The following ZNF365 variants were observed in gnomAD, a reference collection of about 807,000 sequenced individuals.
ZNF365 encodes the protein protein ZNF365.
A neutral mutation model predicts 35.0 loss-of-function variants in ZNF365; 22 were observed. That is an observed-to-expected ratio of 0.63 (90% confidence interval 0.45 to 0.90). The LOEUF (loss-of-function observed/expected upper bound fraction) is 0.90, where lower values mean the gene tolerates loss of function less well. Among genes scored for constraint, ZNF365 ranks in the 40% least tolerant of loss-of-function variants. ZNF365 has a pLI of 0.00. For synonymous variants in ZNF365, 188 were observed against 196.2 expected (o/e 0.96, Z 0.35); for missense variants, 448 against 500.3 (o/e 0.90, Z 1.00).
chr10:62,469,866 A>C (rs1050641434), intron 4 of ZNF365, among the ~76,000 whole-genome samples: 4 of 152,198 alleles, frequency 2.6e-5, no homozygotes, highest in Non-Finnish European at 5.9e-5. Flanking sequence ...AGAGGTAGCA[A>C]CTGGTGAAGC....
intron 3 of ZNF365, among the ~76,000 whole-genome samples, chr10:62,446,573 C>A (rs1369658311): frequency 6.7e-6 from 1 of 149,660 alleles, no homozygotes; most frequent in Non-Finnish European, 1.5e-5. Flanking sequence ...AAGGAAACAG[C>A]AACAGTTTCA....
In ZNF365 at chr10:62,400,557, G is replaced by T; in HGVS notation, c.*768G>T. On this transcript the variant is annotated 3_prime_UTR_variant, in exon 5 of 5. Coordinates refer to ENST00000395254, the MANE Select transcript of ZNF365 (RefSeq NM_014951.3). Reference sequence around the variant, plus strand: ...CTGCTTCTGTGGATATGGCTGGGGAGCGAAGTAAAATCCTCTTTTGATTAG... The same window carrying T: ...CTGCTTCTGTGGATATGGCTGGGGATCGAAGTAAAATCCTCTTTTGATTAG... 1 of 986,020 alleles carries T rather than the reference G, an allele frequency of 1.0e-6. No individual in the cohort carries two copies. Among genetic ancestry groups the T allele is most frequent in the Non-Finnish European group, 1.2e-6 (1 of 829,962 alleles). The allele number at this position is 986,020 out of a possible 1,614,324, so 61.1% of individuals were successfully genotyped here.
intron 4 of ZNF365, among the ~76,000 whole-genome samples, chr10:62,477,547 A>G (rs1841153269): frequency 6.6e-6 from 1 of 152,172 alleles, no homozygotes; most frequent in Non-Finnish European, 1.5e-5. Context: ...TAATCTTTAC[A>G]TTATCTTAAT....
chr10:62,435,887 G>T (rs1180079856), intron 3 of ZNF365, among the ~76,000 whole-genome samples: 4 of 152,162 alleles, frequency 2.6e-5, no homozygotes, highest in Non-Finnish European at 5.9e-5. Flanking sequence ...CAAAAGACTA[G>T]TTGTATAAAA....
At chr10:62,408,081 G>GT (rs2132436909) in intron 3 of ZNF365, among the ~76,000 whole-genome samples, 1 of 152,210 alleles carries the variant, frequency 6.6e-6, no homozygotes, top group Admixed American at 6.5e-5. Flanking sequence ...GCAGTTGAAA[G>GT]GGCACTGATC....
intron 3 of ZNF365, among the ~76,000 whole-genome samples, chr10:62,412,932 G>A (rs1443319799): frequency 2.6e-5 from 4 of 152,132 alleles, no homozygotes; most frequent in Non-Finnish European, 5.9e-5. Context: ...AATGAAGGCA[G>A]TTCATAGCTG....
intron 3 of ZNF365, among the ~76,000 whole-genome samples, chr10:62,430,971 G>C (rs1033430835): frequency 1.3e-5 from 2 of 152,166 alleles, no homozygotes; most frequent in African/African-American, 2.4e-5. Flanking sequence ...TTTTGTGGCT[G>C]TTTATATCTG....
chr10:62,407,900 C>T (rs1198321245), intron 3 of ZNF365, among the ~76,000 whole-genome samples: 1 of 151,752 alleles, frequency 6.6e-6, no homozygotes, highest in Non-Finnish European at 1.5e-5. Flanking sequence ...CTGTGGTAGG[C>T]AGAATGTCTA....
intron 3 of ZNF365, among the ~76,000 whole-genome samples, chr10:62,446,056 A>G (rs16917225): frequency 0.029 from 4,381 of 152,210 alleles, 220 homozygotes; most frequent in African/African-American, 0.1. Flanking sequence ...GTGACCTTTA[A>G]CCAAATTCTG....
chr10:62,388,269 G>A lies in ZNF365; in HGVS notation c.744-127G>A, dbSNP rs535922655. ...TCACAAAGAGGTGATTACCTCTCTCGTCATTGCCATGGAGTACTGCCTAGG... is the reference window on the plus strand; with the variant it reads ...TCACAAAGAGGTGATTACCTCTCTCATCATTGCCATGGAGTACTGCCTAGG... On this transcript the variant is annotated intron_variant, in intron 2 of 4. Coordinates refer to ENST00000395254, the MANE Select transcript of ZNF365 (RefSeq NM_014951.3). 1.1e-4 allele frequency: 99 copies of A among 940,260 alleles called. 2 individuals carry two copies. In the South Asian group the frequency reaches 1.4e-3, roughly 13 times the overall value. 58.2% of individuals were successfully genotyped at this position (940,260 alleles called of 1,614,324 possible).
chr10:62,474,703 C>T (rs1260311703), intron 4 of ZNF365, among the ~76,000 whole-genome samples: 2 of 152,166 alleles, frequency 1.3e-5, no homozygotes, highest in African/African-American at 2.4e-5. Flanking sequence ...TATGCATATT[C>T]ACCTTCTTGA....
rs1219569092 is a variant in ZNF365 at position 62,376,881 on chromosome 10, G to C, written c.688G>C (p.Ala230Pro). Residue 230 changes from alanine (A) to proline (P), a missense_variant, in exon 2 of 5, where the codon GCT becomes CCT. By Grantham distance (27) the Ala-to-Pro change is conservative. Coordinates refer to ENST00000395254, the MANE Select transcript of ZNF365 (RefSeq NM_014951.3). The stretch of plus-strand genomic sequence containing the variant: ...GGTGGACGTGGCCGTGGAAATGATA[G>C]CTGTACTGAGGCAACGCCTGACGGA... ...RQVDVAVEMI[A>P]VLRQRLTESE... is the part of the protein sequence containing the mutation. The C allele has an allele frequency of 1.2e-6, 2 of 1,614,168 alleles. No homozygotes were observed. Among genetic ancestry groups the C allele is most frequent in the South Asian group, 1.1e-5 (1 of 91,090 alleles).
chr10:62,393,265 T>C (rs1174687272), intron 3 of ZNF365, among the ~76,000 whole-genome samples: 1 of 152,198 alleles, frequency 6.6e-6, no homozygotes, highest in Middle Eastern at 3.2e-3. Flanking sequence ...CAGTCTAAAA[T>C]AGAAAGATTA....
chr10:62,450,128 A>T (rs1269616298), intron 3 of ZNF365, among the ~76,000 whole-genome samples: 2 of 151,940 alleles, frequency 1.3e-5, no homozygotes, highest in Admixed American at 1.3e-4. Flanking sequence ...AAATTTTAAG[A>T]CTTAGTGGTG....
chr10:62,478,597 G>A (rs530906855), intron 4 of ZNF365, among the ~76,000 whole-genome samples: 8 of 152,082 alleles, frequency 5.3e-5, no homozygotes, highest in Admixed American at 1.3e-4. Context: ...TTTTTGAGAC[G>A]GAGTCTCGCT....
At chr10:62,395,767 G>C (rs1393165043) in intron 3 of ZNF365, among the ~76,000 whole-genome samples, 1 of 152,082 alleles carries the variant, frequency 6.6e-6, no homozygotes, top group African/African-American at 2.4e-5. Flanking sequence ...CTGGATTAGG[G>C]TTGCTGAACT....
rs979845941 is a variant in ZNF365, at chr10:62,399,878, A to G, written c.*89A>G. ...AGTAATGTCTTTCTGGAAACATTCC[A>G]TAGTAAGACACATTGGAAAAGCCAA... is the stretch of plus-strand genomic sequence containing the variant. On this transcript the variant is annotated 3_prime_UTR_variant, in exon 5 of 5. Coordinates refer to ENST00000395254, the MANE Select transcript of ZNF365 (RefSeq NM_014951.3). 2 of 1,473,104 alleles carry G rather than the reference A, an allele frequency of 1.4e-6. No homozygotes were observed. Among genetic ancestry groups the G allele is most frequent in the South Asian group, 1.4e-5 (1 of 70,232 alleles). 91.3% of individuals were successfully genotyped at this position (1,473,104 alleles called of 1,614,324 possible).
intron 4 of ZNF365, among the ~76,000 whole-genome samples, chr10:62,469,322 A>G (rs1011034311): frequency 1.3e-5 from 2 of 152,202 alleles, no homozygotes; most frequent in Non-Finnish European, 2.9e-5. Context: ...ATGAGAAATC[A>G]CAACATATTC....
At chr10:62,447,958 A>C (rs950469827) in intron 3 of ZNF365, among the ~76,000 whole-genome samples, 1 of 152,110 alleles carries the variant, frequency 6.6e-6, no homozygotes, top group Admixed American at 6.5e-5. Context: ...TTATTATGAA[A>C]ATTTTCAAAC....
Sources: gnomAD v4.1 joint callset for allele counts (sites outside exome capture counted in the v4.1 genomes callset) on GRCh38, gnomAD v4.1.1 for gene constraint, MANE v1.5 for transcripts, NCBI Gene and HGNC (gene_info 2026-07-23, HGNC 2026-07-21) for gene names.